Variants in CTNNA2 observed in about 807,000 individuals in gnomAD.
CTNNA2 encodes catenin alpha 2, also known as catenin alpha-2.
A neutral mutation model predicts 101.0 loss-of-function variants in CTNNA2; 42 were observed. The observed-to-expected ratio is 0.42, with a 90% CI of 0.32 to 0.54. The LOEUF (loss-of-function observed/expected upper bound fraction) is 0.54. Ranked by LOEUF, CTNNA2 falls within the 20% of genes least tolerant of loss-of-function variation. The probability of loss-of-function intolerance (pLI) is 0.14; values close to 1 mark genes in which losing one functional copy is unlikely to be tolerated. For missense variants in CTNNA2, 871 were observed against 1,223.1 expected, an observed-to-expected ratio of 0.71 and a Z score of 4.29; for synonymous variants, 450 against 456.4, an observed-to-expected ratio of 0.99 and a Z score of 0.18.
At chr2:80,391,980 T>C (rs1331470630) in intron 7 of CTNNA2, among the ~76,000 whole-genome samples, 1 of 152,186 alleles carries the variant, frequency 6.6e-6, no homozygotes, top group African/African-American at 2.4e-5. Context: ...GAAAACCCTA[T>C]AGGGCTGTGC....
chr2:79,320,971 C>A (rs1158144278), intron 3 of CTNNA2, among the ~76,000 whole-genome samples: 1 of 152,138 alleles, frequency 6.6e-6, no homozygotes, highest in Admixed American at 6.5e-5. Flanking sequence ...TGTAACTTTT[C>A]TTCACTGATT....
At chr2:80,311,437 C>T (rs1677579880) in intron 7 of CTNNA2, among the ~76,000 whole-genome samples, 2 of 152,140 alleles carry the variant, frequency 1.3e-5, no homozygotes, top group African/African-American at 4.8e-5. Flanking sequence ...TTTCTGTCTG[C>T]CTTTGTTTAT....
chr2:80,050,846 G>T (rs908185416), intron 7 of CTNNA2, among the ~76,000 whole-genome samples: 7 of 152,044 alleles, frequency 4.6e-5, no homozygotes, highest in Admixed American at 1.3e-4. Flanking sequence ...CAGGCCTTTA[G>T]CTGGGATTAC....
chr2:80,146,156 C>T (rs1703320572), intron 7 of CTNNA2, among the ~76,000 whole-genome samples: 1 of 152,216 alleles, frequency 6.6e-6, no homozygotes, highest in East Asian at 1.9e-4. Flanking sequence ...TCTCTTCAAA[C>T]AGCAGGGAGC....
intron 4 of CTNNA2, among the ~76,000 whole-genome samples, chr2:79,392,843 A>T (rs986782332): frequency 1.1e-4 from 16 of 152,208 alleles, no homozygotes; most frequent in African/African-American, 3.6e-4. Context: ...CTGAAGGATG[A>T]AATCATCAGT....
chr2:79,538,951 A>G lies in CTNNA2; in HGVS notation c.-6+25744A>G, dbSNP rs368126242. Among the ~76,000 whole-genome samples, 3 of 152,346 alleles carry G rather than the reference A, an allele frequency of 2.0e-5. No homozygotes were observed. In the East Asian group the frequency reaches 5.8e-4, roughly 29 times the overall value. On this transcript the variant is annotated intron_variant, in intron 1 of 18. Transcript: ENST00000402739. ...GTGAGGCCTTATGAAGACCTGAACG[A>G]GGGCAGCATACTTGAGAATGGAATA...
At chr2:79,816,729 C>T (rs545002346) in intron 3 of CTNNA2, among the ~76,000 whole-genome samples, 13 of 152,252 alleles carry the variant, frequency 8.5e-5, no homozygotes, top group African/African-American at 1.7e-4. Flanking sequence ...CATTCTTGGC[C>T]TTTCTAGATG....
chr2:79,188,487 T>G (rs1004228923), intron 1 of CTNNA2, among the ~76,000 whole-genome samples: 8 of 152,182 alleles, frequency 5.3e-5, no homozygotes, highest in Non-Finnish European at 1.0e-4. Context: ...CCCCACCTAT[T>G]GCTGGAACCT....
At chr2:79,659,388 A>G (rs978662627) in intron 2 of CTNNA2, among the ~76,000 whole-genome samples, 18 of 152,088 alleles carry the variant, frequency 1.2e-4, no homozygotes, top group African/African-American at 3.9e-4. Context: ...TTCATGGTTT[A>G]TTCATGATAT....
intron 4 of CTNNA2, among the ~76,000 whole-genome samples, chr2:79,399,183 C>T (rs1314386015): frequency 2.0e-5 from 3 of 152,108 alleles, no homozygotes; most frequent in Non-Finnish European, 4.4e-5. Flanking sequence ...ATTATAGCTG[C>T]CTGATGCAGC....
intron 7 of CTNNA2, among the ~76,000 whole-genome samples, chr2:80,344,343 G>A (rs1672523699): frequency 6.6e-6 from 1 of 151,996 alleles, no homozygotes; most frequent in Non-Finnish European, 1.5e-5. Flanking sequence ...ATCTTCTCCA[G>A]GGTCAGGGTT....
chr2:79,915,705 C>T (rs1686150716), intron 7 of CTNNA2, among the ~76,000 whole-genome samples: 1 of 152,138 alleles, frequency 6.6e-6, no homozygotes, highest in Admixed American at 6.5e-5. Context: ...CGGATTTTTG[C>T]ATATAAACAA....
rs56174873 is a variant in CTNNA2, at chr2:80,304,907, C to CAAAAAA, written c.1057-88286_1057-88281dup. ...ACTTTCAGCTTTTTTGTCCATATTT[C>CAAAAAA]AAAAAAAAAAAAAAAAAAAAAAAGG... is the stretch of plus-strand genomic sequence containing the variant. On this transcript the variant is annotated intron_variant, in intron 7 of 18. Coordinates refer to ENST00000402739, the MANE Select transcript of CTNNA2 (RefSeq NM_001282597.3). Among the ~76,000 whole-genome samples, 60 of 73,818 alleles carry CAAAAAA rather than the reference C, an allele frequency of 8.1e-4. 1 individual carries two copies. The highest frequency in any genetic ancestry group is 2.8e-3 in the African/African-American group (58 of 20,800). 48.4% of individuals were successfully genotyped at this position (73,818 alleles called of 152,430 possible).
chr2:79,632,110 C>T (rs1388167330), intron 1 of CTNNA2, among the ~76,000 whole-genome samples: 4 of 151,936 alleles, frequency 2.6e-5, no homozygotes, highest in Admixed American at 2.0e-4. Context: ...ATCCAAATTC[C>T]GTAGTGAGGC....
chr2:79,409,243 G>T (rs1453372801), intron 4 of CTNNA2, among the ~76,000 whole-genome samples: 4 of 152,182 alleles, frequency 2.6e-5, no homozygotes, highest in South Asian at 2.1e-4. Context: ...CTCCCATTTT[G>T]TAGGTTGCCT....
chr2:79,594,462 G>T (rs1677062963), intron 1 of CTNNA2, among the ~76,000 whole-genome samples: 1 of 152,168 alleles, frequency 6.6e-6, no homozygotes, highest in Non-Finnish European at 1.5e-5. Context: ...TAGAATCATT[G>T]TGAAGACTGT....
At chr2:80,230,260 GT>G (rs375509574) in intron 7 of CTNNA2, among the ~76,000 whole-genome samples, 347 of 121,592 alleles carry the variant, frequency 2.9e-3, no homozygotes, top group African/African-American at 8.3e-3. Flanking sequence ...TTTTTTCTTT[GT>G]TTTTTTTTTT....
In CTNNA2 at chr2:79,521,813, C is replaced by T. The variant is rs973147613; in HGVS notation, c.-6+8606C>T. Among the ~76,000 whole-genome samples the T allele has an allele frequency of 2.7e-4, 41 of 152,010 alleles. 1 individual carries two copies. The highest frequency in any genetic ancestry group is 5.9e-5 in the Non-Finnish European group (4 of 68,018). ...TGCAGAAACAGGTGACAGAGGGCAACGTGGCACAAGAAGGAGAAAATTTAG... is the reference window on the plus strand; with the variant it reads ...TGCAGAAACAGGTGACAGAGGGCAATGTGGCACAAGAAGGAGAAAATTTAG... On this transcript the variant is annotated intron_variant, in intron 1 of 18. Transcript: ENST00000402739.
At chr2:80,499,480 G>A (rs1031559850) in intron 9 of CTNNA2, among the ~76,000 whole-genome samples, 3 of 151,882 alleles carry the variant, frequency 2.0e-5, no homozygotes, top group Non-Finnish European at 4.4e-5. Flanking sequence ...GCTTTATAGT[G>A]TCATTGGCCT....
Sources: allele counts gnomAD v4.1 joint callset (sites outside exome capture counted in the v4.1 genomes callset), GRCh38; gene constraint gnomAD v4.1.1; transcripts MANE v1.5; gene names NCBI Gene and HGNC (gene_info 2026-07-23, HGNC 2026-07-21).